The following DLGAP2 variants were observed in gnomAD, a reference collection of about 807,000 sequenced individuals.
The protein encoded by DLGAP2 is DLG associated protein 2, also known as disks large-associated protein 2.
DLGAP2 carries 26 observed loss-of-function variants against 100.3 expected under a neutral mutation model. The observed-to-expected ratio is 0.26, with a 90% CI of 0.19 to 0.36. The LOEUF is 0.36. Ranked by LOEUF, DLGAP2 falls within the 10% of genes least tolerant of loss-of-function variation. The pLI is 1.00. For synonymous variants in DLGAP2, 886 were observed against 630.1 expected, an observed-to-expected ratio of 1.41 and a Z score of -6.08; for missense variants, 1,858 against 1,453.2, an observed-to-expected ratio of 1.28 and a Z score of -4.53.
chr8:1,309,155 G>A (rs1394003778), intron 3 of DLGAP2, among the ~76,000 whole-genome samples: 2 of 151,702 alleles, frequency 1.3e-5, no homozygotes, highest in African/African-American at 2.4e-5. Flanking sequence ...CTCCGAAAAG[G>A]GAAAAGAGAA....
chr8:948,015 C>G (rs1013923004), intron 2 of DLGAP2, among the ~76,000 whole-genome samples: 1 of 149,942 alleles, frequency 6.7e-6, no homozygotes, highest in African/African-American at 2.5e-5. Context: ...CCATGGCTCC[C>G]CCGACCCCGT....
chr8:1,377,770 GC>G (rs1563115244), intron 3 of DLGAP2: 11 of 152,014 alleles, frequency 7.2e-5, no homozygotes, highest in African/African-American at 2.7e-4. Flanking sequence ...GTCCAGCACA[GC>G]TTCTTCATGT....
At chr8:1,483,629 G>A (rs1245640590) in intron 3 of DLGAP2, among the ~76,000 whole-genome samples, 1 of 101,418 alleles carries the variant, frequency 9.9e-6, no homozygotes, top group Non-Finnish European at 2.0e-5. Context: ...TGTGCAGGAG[G>A]CTCAGGGAGC....
chr8:1,184,358 C>A (rs748213600), intron 2 of DLGAP2, among the ~76,000 whole-genome samples: 4 of 152,212 alleles, frequency 2.6e-5, no homozygotes, highest in Non-Finnish European at 5.9e-5. Context: ...GGAGTGTGGG[C>A]GCTTCTGGGG....
At chr8:1,537,776 AGG>A (rs1801206403) in intron 4 of DLGAP2, among the ~76,000 whole-genome samples, 1 of 140,406 alleles carries the variant, frequency 7.1e-6, no homozygotes, top group Admixed American at 7.1e-5. Flanking sequence ...GAAGGAAGGA[AGG>A]AAGGAAGGAC....
intron 6 of DLGAP2, among the ~76,000 whole-genome samples, chr8:1,591,292 T>TC (rs5888848): frequency 0.23 from 35,105 of 151,932 alleles, 5,007 homozygotes; most frequent in East Asian, 0.48. Context: ...TCACACCCCC[T>TC]CCCCCTCCCT....
intron 2 of DLGAP2, among the ~76,000 whole-genome samples, chr8:1,154,867 C>T (rs1334354307): frequency 6.6e-6 from 1 of 152,210 alleles, no homozygotes; most frequent in African/African-American, 2.4e-5. Context: ...CTCTGCTCTT[C>T]CACCCTCCAG....
chr8:1,458,741 C>T (rs992161424), intron 3 of DLGAP2, among the ~76,000 whole-genome samples: 1 of 152,236 alleles, frequency 6.6e-6, no homozygotes, highest in Non-Finnish European at 1.5e-5. Flanking sequence ...CAGGACCCAC[C>T]TAGGATGTGT....
At chr8:1,267,247 AT>A (rs1799472384) in intron 3 of DLGAP2, among the ~76,000 whole-genome samples, 1 of 71,174 alleles carries the variant, frequency 1.4e-5, no homozygotes, top group South Asian at 5.0e-4. Flanking sequence ...AAATAAATAA[AT>A]AAAATAAAAT....
chr8:1,268,550 C>G (rs1175738472), intron 3 of DLGAP2, among the ~76,000 whole-genome samples: 3 of 152,140 alleles, frequency 2.0e-5, no homozygotes, highest in Non-Finnish European at 4.4e-5. Context: ...TCATTCGTGC[C>G]ATTTCACAAG....
At chr8:1,428,822 C>T (rs1184716508) in intron 3 of DLGAP2, among the ~76,000 whole-genome samples, 1 of 152,208 alleles carries the variant, frequency 6.6e-6, no homozygotes, top group Non-Finnish European at 1.5e-5. Flanking sequence ...GAGCCTTAAA[C>T]AAAATCTGGC....
intron 2 of DLGAP2, among the ~76,000 whole-genome samples, chr8:1,065,844 G>A (rs1803227768): frequency 6.6e-6 from 1 of 152,160 alleles, no homozygotes; most frequent in African/African-American, 2.4e-5. Flanking sequence ...TGGGTCCCAG[G>A]AATTCCGGGA....
At chr8:1,107,196 G>T (rs559232640) in intron 2 of DLGAP2, among the ~76,000 whole-genome samples, 1 of 152,210 alleles carries the variant, frequency 6.6e-6, no homozygotes, top group Non-Finnish European at 1.5e-5. Flanking sequence ...CAGTGCACTG[G>T]TTCTGTGACT....
At chr8:1,280,920 T>G (rs1029556812) in intron 3 of DLGAP2, among the ~76,000 whole-genome samples, 2 of 152,200 alleles carry the variant, frequency 1.3e-5, no homozygotes, top group African/African-American at 4.8e-5. Flanking sequence ...ACAAGTCCAC[T>G]GCGTTTGTAT....
intron 10 of DLGAP2, among the ~76,000 whole-genome samples, chr8:1,671,564 C>CT: frequency 6.6e-6 from 1 of 152,332 alleles, no homozygotes; most frequent in East Asian, 1.9e-4. Flanking sequence ...ATGCAACTCC[C>CT]TTGTTCACAG....
intron 4 of DLGAP2, among the ~76,000 whole-genome samples, chr8:1,506,936 C>T (rs558553039): frequency 2.6e-5 from 4 of 152,198 alleles, no homozygotes; most frequent in Non-Finnish European, 5.9e-5. Context: ...TCTAGCTAGA[C>T]ATAAAAGTTC....
intron 2 of DLGAP2, among the ~76,000 whole-genome samples, chr8:1,107,905 A>C (rs1389411531): frequency 6.6e-6 from 1 of 152,152 alleles, no homozygotes; most frequent in East Asian, 1.9e-4. Context: ...AGCTCACGAG[A>C]TGGCAGACAG....
intron 2 of DLGAP2, among the ~76,000 whole-genome samples, chr8:1,050,839 G>A (rs1252321051): frequency 6.6e-6 from 1 of 152,054 alleles, no homozygotes; most frequent in Non-Finnish European, 1.5e-5. Flanking sequence ...AATTTTTTAC[G>A]TGCTTCCCCA....
chr8:847,749 C>T (rs1463343779), intron 1 of DLGAP2, among the ~76,000 whole-genome samples: 1 of 152,132 alleles, frequency 6.6e-6, no homozygotes, highest in African/African-American at 2.4e-5. Flanking sequence ...TCAAGTGATC[C>T]GCCTACCTCG....
Sources: allele counts gnomAD v4.1 joint callset (sites outside exome capture counted in the v4.1 genomes callset), GRCh38; gene constraint gnomAD v4.1.1; transcripts MANE v1.5; gene names NCBI Gene and HGNC (gene_info 2026-07-23, HGNC 2026-07-21).